The following RASIP1 variants were observed in gnomAD, a reference collection of about 807,000 sequenced individuals.
RASIP1 encodes Ras interacting protein 1.
A neutral mutation model predicts 85.3 loss-of-function variants in RASIP1; 20 were observed. The observed-to-expected ratio is 0.23, with a 90% CI of 0.17 to 0.34. The LOEUF (loss-of-function observed/expected upper bound fraction) is 0.34. Among genes scored for constraint, RASIP1 ranks in the 10% least tolerant of loss-of-function variants. RASIP1 has a pLI of 1.00. For missense variants in RASIP1, 1,170 were observed against 1,390.9 expected (o/e 0.84, Z 2.53); for synonymous variants, 617 against 647.1 (o/e 0.95, Z 0.71).
In RASIP1 at chr19:48,729,403, G is replaced by A; in HGVS notation, c.1367C>T (p.Ala456Val). ...GAGGCACCCGTTGTGCGTGACTGGG[G>A]CGCCCCGGGACGGGCGCACCATGGC... is the stretch of plus-strand genomic sequence containing the variant. ...HPAMVRPSRG[A>V]PVTHNGCLLL... The change falls in exon 5 of 12, where the codon GCC becomes GTC. Residue 456 changes from alanine to valine, a missense_variant. Coordinates refer to ENST00000222145, the MANE Select transcript of RASIP1 (RefSeq NM_017805.3). 1 of 1,555,864 alleles carries A rather than the reference G, an allele frequency of 6.4e-7. No individual in the cohort carries two copies. The highest frequency in any genetic ancestry group is 8.7e-7 in the Non-Finnish European group (1 of 1,150,088).
At position 48,738,799 on chromosome 19, in the gene RASIP1, C is replaced by G; in HGVS notation, c.823+161G>C. On this transcript the variant is annotated intron_variant, in intron 3 of 11. Transcript: ENST00000222145. The surrounding 1 kb of genome is among the most constrained non-coding windows in gnomAD (Gnocchi z 4.0). ...CGCCCCCGGCCCTGCTCTAGCTCTG[C>G]CTAGAGTCCAACACGCACCGTCCAG... 1.1e-6 allele frequency: 1 copy of G among 935,830 alleles called. No individual in the cohort carries two copies. The highest frequency in any genetic ancestry group is 1.4e-6 in the Non-Finnish European group (1 of 733,460). The allele number at this position is 935,830 out of a possible 1,614,324, so 58.0% of individuals were successfully genotyped here. A position where few individuals can be genotyped will look rare whatever the true frequency, so the allele number is the denominator to read the frequency against.
At chr19:48,727,459 T>A (rs930256268) in intron 5 of RASIP1, 29 bp from the exon 6 acceptor site, 3 of 1,609,838 alleles carry the variant, frequency 1.9e-6, no homozygotes, top group Non-Finnish European at 2.6e-6. Flanking sequence ...AGAATCAAGG[T>A]GAGGGGGATC....
intron 6 of RASIP1, 49 bp from the exon 7 acceptor site, chr19:48,727,207 GT>G (rs1159723573): frequency 1.3e-5 from 21 of 1,607,076 alleles, no homozygotes; most frequent in Non-Finnish European, 1.6e-5. Flanking sequence ...CCTCATCATA[GT>G]TTACAAACCC....
At chr19:48,737,442 A>T in intron 3 of RASIP1, 5 of 985,116 alleles carry the variant, frequency 5.1e-6, no homozygotes, top group Non-Finnish European at 6.0e-6. Context: ...CTGTTTGACC[A>T]TTGACTCTAC....
chr19:48,739,478 C>A lies in RASIP1; in HGVS notation c.305G>T (p.Gly102Val). The A allele has an allele frequency of 6.7e-7, 1 of 1,490,916 alleles. No homozygotes were observed. The highest frequency in any genetic ancestry group is 8.9e-7 in the Non-Finnish European group (1 of 1,126,462). 92.4% of individuals were successfully genotyped at this position (1,490,916 alleles called of 1,614,324 possible). A position where few individuals can be genotyped will look rare whatever the true frequency, so the allele number is the denominator to read the frequency against. The change falls in exon 3 of 12, where the codon GGG (glycine) becomes GTG (valine). Residue 102 changes from glycine to valine, a missense_variant. Gly to Val is a moderately radical substitution (Grantham distance 109). Transcript: ENST00000222145. This position sits in a 1 kb window ranked among gnomAD's most constrained non-coding sequence, Gnocchi z 9.2. Reference protein sequence around the residue: ...LFRGSGTGTTGSSGAGGPGTP... With the variant: ...LFRGSGTGTTVSSGAGGPGTP... ...CCCAGGGCCTCCTGCGCCGCTGGAC[C>A]CCGTGGTCCCGGTCCCCGAGCCCCG...
intron 3 of RASIP1, chr19:48,737,670 A>C (rs1398331155): frequency 1.0e-6 from 1 of 985,014 alleles, no homozygotes; most frequent in African/African-American, 1.8e-5. Flanking sequence ...CCACCCACAT[A>C]GGCCCTGCTC....
chr19:48,727,106 C>G lies in RASIP1; in HGVS notation c.1924G>C (p.Glu642Gln). ...ATCCACAGCATGAGTGGCCGCAGCT[C>G]CACAGACACAGCTTCAGGAGTCAGG... ...VPLTPEAVSV[E>Q]LRPLMLWMAN... Residue 642 changes from glutamate to glutamine, a missense_variant, in exon 7 of 12, where the codon GAG becomes CAG. Transcript: ENST00000222145. 6.2e-7 allele frequency: 1 copy of G among 1,614,208 alleles called. No homozygotes were observed. The highest frequency in any genetic ancestry group is 1.3e-5 in the African/African-American group (1 of 75,052).
At position 48,738,916 on chromosome 19, in the gene RASIP1, C is replaced by T. The variant is rs2033620559; in HGVS notation, c.823+44G>A. ...AGGCCCCGCCCCACGGACCCCGCCT[C>T]TCTGGCACCGAGTCCCCGCCCCAGA... On this transcript the variant is annotated intron_variant, in intron 3 of 11. Coordinates refer to ENST00000222145, the MANE Select transcript of RASIP1 (RefSeq NM_017805.3). The surrounding 1 kb of genome is among the most constrained non-coding windows in gnomAD (Gnocchi z 4.0). 1 of 1,194,936 alleles carries T rather than the reference C, an allele frequency of 8.4e-7. No homozygotes were observed. The highest frequency in any genetic ancestry group is 1.0e-6 in the Non-Finnish European group (1 of 963,982). 74.0% of individuals were successfully genotyped at this position (1,194,936 alleles called of 1,614,324 possible).
rs370059711 is a variant in RASIP1, at chr19:48,727,099, C to T, written c.1931G>A (p.Arg644Gln). The change falls in exon 7 of 12, where the codon CGG (arginine) becomes CAG (glutamine). Residue 644 changes from arginine to glutamine, a missense_variant. Around this residue, in one of 4 missense-constraint regions of RASIP1, gnomAD observed 426 missense variants for 576.2 expected, o/e 0.74. Coordinates refer to ENST00000222145, the MANE Select transcript of RASIP1 (RefSeq NM_017805.3). ...LTPEAVSVEL[R>Q]PLMLWMANTT... The stretch of plus-strand genomic sequence containing the variant: ...GTTGGCCATCCACAGCATGAGTGGC[C>T]GCAGCTCCACAGACACAGCTTCAGG... The T allele has an allele frequency of 2.8e-5, 45 of 1,614,206 alleles. No homozygotes were observed. The highest frequency in any genetic ancestry group is 1.7e-4 in the African/African-American group (13 of 75,038).
At chr19:48,735,737 T>G (rs1411562278) in intron 3 of RASIP1, among the ~76,000 whole-genome samples, 186 bp from the exon 4 acceptor site, 1 of 152,216 alleles carries the variant, frequency 6.6e-6, no homozygotes, top group Non-Finnish European at 1.5e-5. Flanking sequence ...ATACCCATCT[T>G]GCAGTTTTCA....
Position 48,735,559 on chromosome 19 carries a change from G to C in RASIP1, c.824-8C>G, listed in dbSNP as rs528101011. On this transcript the variant is annotated splice_polypyrimidine_tract_variant and splice_region_variant and intron_variant, in intron 3 of 11. Transcript: ENST00000222145. Reference sequence around the variant, plus strand: ...ACGAAGGGGCGCCGGTGCCTGCGGAGAGATGGAGAACAGTGAGGCTGAGCC... The same window carrying C: ...ACGAAGGGGCGCCGGTGCCTGCGGACAGATGGAGAACAGTGAGGCTGAGCC... The C allele has an allele frequency of 2.6e-6, 4 of 1,527,632 alleles. No homozygotes were observed. In the East Asian group the frequency reaches 7.4e-5, roughly 28 times the overall value. The allele number at this position is 1,527,632 out of a possible 1,614,324, so 94.6% of individuals were successfully genotyped here. A position where few individuals can be genotyped will look rare whatever the true frequency, so the allele number is the denominator to read the frequency against.
intron 10 of RASIP1, among the ~76,000 whole-genome samples, chr19:48,723,137 C>T (rs950918383): frequency 6.6e-6 from 1 of 152,146 alleles, no homozygotes; most frequent in Non-Finnish European, 1.5e-5. Context: ...CCTTCCACCT[C>T]GGCCTCCCAA....
Position 48,739,258 on chromosome 19 carries a change from G to A in RASIP1, c.525C>T (p.Leu175=). The A allele has an allele frequency of 2.0e-6, 3 of 1,471,522 alleles. No individual in the cohort carries two copies. Among genetic ancestry groups the A allele is most frequent in the East Asian group, 2.9e-5 (1 of 34,160 alleles). 91.2% of individuals were successfully genotyped at this position (1,471,522 alleles called of 1,614,324 possible). ...CGTAGCGCTCTAGCGCCTCGGCCAC[G>A]AGCTCGCGCGCCGTGGAGCGCGCCG... ...LATARSTARE[L]VAEALERYGL... is the part of the protein sequence containing the mutation. Residue 175 remains leucine (L), a synonymous_variant, in exon 3 of 12, where the codon CTC becomes CTT. Transcript: ENST00000222145. This position sits in a 1 kb window ranked among gnomAD's most constrained non-coding sequence, Gnocchi z 9.2.
rs914447567 is a variant in RASIP1, at chr19:48,720,685, C to T, written c.*113G>A. 4 of 1,228,890 alleles carry T rather than the reference C, an allele frequency of 3.3e-6. No homozygotes were observed. The highest frequency in any genetic ancestry group is 1.5e-5 in the African/African-American group (1 of 66,490). 76.1% of individuals were successfully genotyped at this position (1,228,890 alleles called of 1,614,324 possible). ...ACTTCCCGAAAACTCAATCTCCCAA[C>T]ATTCCACGCGGGATAAGAACTACAA... On this transcript the variant is annotated 3_prime_UTR_variant, in exon 12 of 12. Coordinates refer to ENST00000222145, the MANE Select transcript of RASIP1 (RefSeq NM_017805.3).
At chr19:48,722,609 G>A (rs1051019678) in intron 10 of RASIP1, among the ~76,000 whole-genome samples, 15 of 151,998 alleles carry the variant, frequency 9.9e-5, no homozygotes, top group African/African-American at 3.6e-4. Context: ...TTATTCTATG[G>A]CGGCCACTCT....
intron 4 of RASIP1, among the ~76,000 whole-genome samples, chr19:48,731,842 T>C (rs958958400): frequency 2.6e-5 from 4 of 152,256 alleles, no homozygotes; most frequent in Admixed American, 6.5e-5. Flanking sequence ...TCTTCATTCC[T>C]GTCTGAAGGA....
At chr19:48,732,199 C>T (rs190005262) in intron 4 of RASIP1, among the ~76,000 whole-genome samples, 2 of 151,666 alleles carry the variant, frequency 1.3e-5, no homozygotes, top group East Asian at 3.9e-4. Flanking sequence ...CTCAGCCTCT[C>T]AAGTAGCTAG....
intron 8 of RASIP1, 89 bp from the exon 9 acceptor site, chr19:48,725,049 C>A: frequency 6.8e-7 from 1 of 1,476,364 alleles, no homozygotes; most frequent in African/African-American, 1.4e-5. Flanking sequence ...GTGGGGAGCT[C>A]CACCAAAGTC....
chr19:48,733,217 A>G (rs1420997477), intron 4 of RASIP1, among the ~76,000 whole-genome samples: 1 of 152,058 alleles, frequency 6.6e-6, no homozygotes, highest in Non-Finnish European at 1.5e-5. Flanking sequence ...TGTAGAGACA[A>G]GATTTCACTG....
Sources: allele counts gnomAD v4.1 joint callset (sites outside exome capture counted in the v4.1 genomes callset), GRCh38; gene constraint gnomAD v4.1.1; regional missense constraint gnomAD v4.1.1; non-coding constraint Gnocchi (gnomAD v3.1); transcripts MANE v1.5; gene names NCBI Gene and HGNC (gene_info 2026-07-23, HGNC 2026-07-21).